CNTNAP2: variants seen among roughly 807,000 people sequenced by gnomAD.
CNTNAP2 encodes contactin-associated protein-like 2.
CNTNAP2 carries 98 observed loss-of-function variants against 155.2 expected under a neutral mutation model. The ratio of observed to expected loss-of-function variants is 0.63; its 90% CI spans 0.54 to 0.75. The LOEUF (loss-of-function observed/expected upper bound fraction) is 0.75. CNTNAP2 is among the 30% of genes least tolerant of loss of function. The pLI is 0.00. For missense variants in CNTNAP2, 1,727 were observed against 1,688.1 expected (o/e 1.02, Z -0.40); for synonymous variants, 651 against 631.2 (o/e 1.03, Z -0.47).
rs954536969 is a variant in CNTNAP2, at chr7:146,926,020, A to T, written c.402+86116A>T. Among the ~76,000 whole-genome samples, 15 of 152,092 alleles carry T rather than the reference A, an allele frequency of 9.9e-5. No individual in the cohort carries two copies. The East Asian group carries it at 2.7e-3, about 27-fold the overall frequency. On this transcript the variant is annotated intron_variant, in intron 3 of 23. Coordinates refer to ENST00000361727, the MANE Select transcript of CNTNAP2 (RefSeq NM_014141.6). Reference sequence around the variant, plus strand: ...GGAAGACCAGCCGTTTCACTATTCAATTTGAAAGTATGCTTATGTTATTTA... The same window carrying T: ...GGAAGACCAGCCGTTTCACTATTCATTTTGAAAGTATGCTTATGTTATTTA...
rs190235639 is a variant in CNTNAP2, at chr7:146,505,820, G to T, written c.98-268451G>T. Among the ~76,000 whole-genome samples, 16 of 152,296 alleles carry T rather than the reference G, an allele frequency of 1.1e-4. No homozygotes were observed. In the East Asian group the frequency reaches 2.9e-3, roughly 28 times the overall value. Reference sequence around the variant, plus strand: ...TGGTGTGCATCTGTAAGTGGATGGGGTCAGTGGCACAGTGTAGCAGTGCCT... The same window carrying T: ...TGGTGTGCATCTGTAAGTGGATGGGTTCAGTGGCACAGTGTAGCAGTGCCT... On this transcript the variant is annotated intron_variant, in intron 1 of 23. Coordinates refer to ENST00000361727, the MANE Select transcript of CNTNAP2 (RefSeq NM_014141.6).
chr7:146,756,371 T>C (rs1049469078), intron 1 of CNTNAP2, among the ~76,000 whole-genome samples: 1 of 152,046 alleles, frequency 6.6e-6, no homozygotes, highest in Non-Finnish European at 1.5e-5. Context: ...AGCATAGTGG[T>C]ATGCTTGATA....
chr7:146,550,401 G>GTTTTTTTTTT lies in CNTNAP2; in HGVS notation c.98-223851_98-223842dup, dbSNP rs10673467. ...TTATAGCAGTGAGGTCCATTAATCT[G>GTTTTTTTTTT]TTTTTTTTTTTTTTTTTTTTTTTTT... On this transcript the variant is annotated intron_variant, in intron 1 of 23. Coordinates refer to ENST00000361727, the MANE Select transcript of CNTNAP2 (RefSeq NM_014141.6). 9.2e-3 allele frequency among the ~76,000 whole-genome samples: 502 copies of GTTTTTTTTTT among 54,386 alleles called. 114 individuals are homozygous for GTTTTTTTTTT. Among genetic ancestry groups the GTTTTTTTTTT allele is most frequent in the African/African-American group, 0.028 (394 of 14,084 alleles). 35.7% of individuals were successfully genotyped at this position (54,386 alleles called of 152,430 possible).
chr7:146,932,451 C>T (rs1350068109), intron 3 of CNTNAP2, among the ~76,000 whole-genome samples: 1 of 151,978 alleles, frequency 6.6e-6, no homozygotes, highest in East Asian at 1.9e-4. Flanking sequence ...ATAATAAGAG[C>T]TATCTATGAC....
At chr7:147,930,025 C>T (rs1423628433) in intron 14 of CNTNAP2, among the ~76,000 whole-genome samples, 2 of 152,108 alleles carry the variant, frequency 1.3e-5, no homozygotes, top group Admixed American at 6.6e-5. Flanking sequence ...ACTCGCCCGC[C>T]TCACCTCCTG....
intron 1 of CNTNAP2, among the ~76,000 whole-genome samples, chr7:146,766,858 A>C (rs972324131): frequency 6.6e-6 from 1 of 152,202 alleles, no homozygotes; most frequent in African/African-American, 2.4e-5. Context: ...GCTCACCCCT[A>C]TAACACTGGG....
intron 13 of CNTNAP2, among the ~76,000 whole-genome samples, chr7:147,775,076 G>A (rs1445588392): frequency 6.7e-6 from 1 of 150,332 alleles, no homozygotes; most frequent in Non-Finnish European, 1.5e-5. Flanking sequence ...TCTTCCAAAG[G>A]CTGTAGCAGG....
At chr7:147,308,730 C>T (rs1442928970) in intron 9 of CNTNAP2, among the ~76,000 whole-genome samples, 1 of 152,154 alleles carries the variant, frequency 6.6e-6, no homozygotes, top group Non-Finnish European at 1.5e-5. Flanking sequence ...ATTAACGGAA[C>T]CATGGACAGC....
intron 8 of CNTNAP2, among the ~76,000 whole-genome samples, chr7:147,247,545 G>A (rs1316387051): frequency 6.6e-6 from 1 of 151,888 alleles, no homozygotes; most frequent in Non-Finnish European, 1.5e-5. Context: ...ATTCATGTTT[G>A]CATTCAAAGA....
At chr7:146,448,659 C>G (rs189589834) in intron 1 of CNTNAP2, among the ~76,000 whole-genome samples, 4 of 152,150 alleles carry the variant, frequency 2.6e-5, no homozygotes, top group Admixed American at 2.6e-4. Context: ...TTTTAAACTA[C>G]TTTCCTCTAA....
intron 1 of CNTNAP2, among the ~76,000 whole-genome samples, chr7:146,562,669 A>T (rs935814559): frequency 2.0e-5 from 3 of 152,160 alleles, no homozygotes; most frequent in African/African-American, 7.2e-5. Flanking sequence ...TTGAAACCTC[A>T]GTCAAATTAT....
rs1162853116 is a variant in CNTNAP2 at position 147,704,008 on chromosome 7, C to T, written c.2098+64702C>T. Among the ~76,000 whole-genome samples, 3 of 152,114 alleles carry T rather than the reference C, an allele frequency of 2.0e-5. No homozygotes were observed. In the East Asian group the frequency reaches 5.8e-4, roughly 29 times the overall value. ...TTCTTTTAAGATAATAACTCCAGTT[C>T]CATCCATGTTGCTGTAAATGACATA... On this transcript the variant is annotated intron_variant, in intron 13 of 23. Transcript: ENST00000361727.
At chr7:147,525,104 AT>A (rs1263427444) in intron 11 of CNTNAP2, among the ~76,000 whole-genome samples, 3 of 152,234 alleles carry the variant, frequency 2.0e-5, no homozygotes, top group African/African-American at 7.2e-5. Context: ...GTGACAGAAT[AT>A]CTCAAGAGAC....
chr7:146,755,553 A>T (rs1801981478), intron 1 of CNTNAP2, among the ~76,000 whole-genome samples: 1 of 151,996 alleles, frequency 6.6e-6, no homozygotes, highest in Non-Finnish European at 1.5e-5. Flanking sequence ...TTTTCATATT[A>T]TGTTTCAAAT....
At chr7:146,164,348 A>G (rs892166847) in intron 1 of CNTNAP2, among the ~76,000 whole-genome samples, 11 of 152,130 alleles carry the variant, frequency 7.2e-5, no homozygotes, top group Non-Finnish European at 1.5e-4. Context: ...TCCTGAAGAG[A>G]TGAATTACTG....
At chr7:147,621,829 A>C (rs963152463) in intron 12 of CNTNAP2, among the ~76,000 whole-genome samples, 2 of 152,036 alleles carry the variant, frequency 1.3e-5, no homozygotes, top group African/African-American at 4.8e-5. Flanking sequence ...AACAGAAGAC[A>C]TACAGTAGCT....
chr7:147,008,835 T>C (rs1798572419), intron 3 of CNTNAP2, among the ~76,000 whole-genome samples: 1 of 152,062 alleles, frequency 6.6e-6, no homozygotes, highest in African/African-American at 2.4e-5. Context: ...TCTCGGGTGA[T>C]AAAGTGGTTA....
intron 11 of CNTNAP2, 126 bp from the exon 12 acceptor site, chr7:147,562,012 C>A: frequency 1.6e-6 from 2 of 1,233,998 alleles, no homozygotes; most frequent in Admixed American, 1.9e-5. Flanking sequence ...AGACAAAGAA[C>A]GCTCTTTCCA....
chr7:146,748,902 T>C (rs576407290), intron 1 of CNTNAP2, among the ~76,000 whole-genome samples: 61 of 152,330 alleles, frequency 4.0e-4, no homozygotes, highest in Non-Finnish European at 3.4e-4. Flanking sequence ...ACTGTAAGCA[T>C]TTATACAACA....
Sources: gnomAD v4.1 joint callset for allele counts (sites outside exome capture counted in the v4.1 genomes callset) on GRCh38, gnomAD v4.1.1 for gene constraint, MANE v1.5 for transcripts, NCBI Gene and HGNC (gene_info 2026-07-23, HGNC 2026-07-21) for gene names.